The following NIBAN2 variants were observed in gnomAD, a reference collection of about 807,000 sequenced individuals.
The protein encoded by NIBAN2 is niban apoptosis regulator 2.
In NIBAN2, 36 loss-of-function variants were observed where a neutral mutation model predicts 81.8. The ratio of observed to expected loss-of-function variants is 0.44; its 90% CI spans 0.34 to 0.58. NIBAN2 has a LOEUF of 0.58. Ranked by LOEUF, NIBAN2 falls within the 20% of genes least tolerant of loss-of-function variation. The pLI, the probability that NIBAN2 is intolerant of heterozygous loss-of-function variation, is 0.02. For missense variants in NIBAN2, 897 were observed against 1,014.1 expected (o/e 0.88, Z 1.57); for synonymous variants, 445 against 441.6 (o/e 1.01, Z -0.10).
intron 1 of NIBAN2, among the ~76,000 whole-genome samples, chr9:127,540,407 G>T (rs1270644392): frequency 6.6e-6 from 1 of 152,164 alleles, no homozygotes; most frequent in Non-Finnish European, 1.5e-5. Flanking sequence ...CTAAAAAGGC[G>T]TATCCCGGAG....
At chr9:127,543,370 G>A (rs541440464) in intron 1 of NIBAN2, among the ~76,000 whole-genome samples, 1 of 152,312 alleles carries the variant, frequency 6.6e-6, no homozygotes, top group African/African-American at 2.4e-5. Context: ...GGAAGGTCCA[G>A]GGCCTTGTCC....
chr9:127,565,782 CAA>C (rs34713108), intron 1 of NIBAN2, among the ~76,000 whole-genome samples: 116 of 70,854 alleles, frequency 1.6e-3, no homozygotes, highest in African/African-American at 4.5e-3. Context: ...GACTCTGTCT[CAA>C]AAAAAAAAAA....
At chr9:127,576,607 G>A (rs1449828908) in intron 1 of NIBAN2, among the ~76,000 whole-genome samples, 1 of 151,416 alleles carries the variant, frequency 6.6e-6, no homozygotes, top group African/African-American at 2.4e-5. Flanking sequence ...GGCTTCATGA[G>A]GTATAAGTAA....
intron 8 of NIBAN2, 101 bp from the exon 9 acceptor site, chr9:127,510,434 C>G: frequency 5.5e-6 from 4 of 730,354 alleles, no homozygotes; most frequent in Non-Finnish European, 8.0e-6. Flanking sequence ...CTATTATTAT[C>G]ATTATTATTA....
At chr9:127,521,105 G>A (rs1006056635) in intron 5 of NIBAN2, among the ~76,000 whole-genome samples, 3 of 152,058 alleles carry the variant, frequency 2.0e-5, no homozygotes, top group Admixed American at 6.6e-5. Context: ...GTAGCTGCCC[G>A]GTCTGTGGTA....
chr9:127,509,827 T>A, intron 9 of NIBAN2: 1 of 87,940 alleles, frequency 1.1e-5, no homozygotes, highest in Admixed American at 1.4e-4. Flanking sequence ...CTCCTCTCCT[T>A]CCCTCCTTCC....
chr9:127,518,630 G>A (rs928384198), intron 5 of NIBAN2, among the ~76,000 whole-genome samples: 8 of 152,242 alleles, frequency 5.3e-5, no homozygotes, highest in Non-Finnish European at 1.0e-4. Flanking sequence ...AGGTTTCAGA[G>A]CCTGGTTCTA....
At chr9:127,572,110 A>G (rs1233110562), upstream of NIBAN2, among the ~76,000 whole-genome samples, 2 of 152,128 alleles carry the variant, frequency 1.3e-5, no homozygotes, top group African/African-American at 2.4e-5. Flanking sequence ...ACATGGACTC[A>G]GTGCAGCCTT....
rs1836638882 is a variant in NIBAN2 at position 127,507,797 on chromosome 9, C to G, written c.1654+70G>C. The G allele has an allele frequency of 7.1e-7, 1 of 1,409,004 alleles. No individual in the cohort carries two copies. Among genetic ancestry groups the G allele is most frequent in the Admixed American group, 1.7e-5 (1 of 59,394 alleles). 87.3% of individuals were successfully genotyped at this position (1,409,004 alleles called of 1,614,324 possible). ...TTTGAGCCTTAGCTGACCCCCTCAG[C>G]TGCCACCACTTCTCAGCTGCGCCCC... On this transcript the variant is annotated intron_variant, in intron 13 of 13. Transcript: ENST00000373312. The surrounding 1 kb of genome is among the most constrained non-coding windows in gnomAD (Gnocchi z 6.8).
chr9:127,542,035 C>A (rs1445462600), intron 1 of NIBAN2, among the ~76,000 whole-genome samples: 1 of 152,214 alleles, frequency 6.6e-6, no homozygotes, highest in Non-Finnish European at 1.5e-5. Context: ...GCCGCAGCCA[C>A]TGAAGTCCTG....
intron 3 of NIBAN2, among the ~76,000 whole-genome samples, chr9:127,526,400 A>AT: frequency 6.7e-6 from 1 of 148,614 alleles, no homozygotes; most frequent in African/African-American, 2.5e-5. Context: ...CTTCATCTCA[A>AT]AAAAAAAAAA....
At chr9:127,574,072 G>A (rs985726796), upstream of NIBAN2, among the ~76,000 whole-genome samples, 1 of 152,210 alleles carries the variant, frequency 6.6e-6, no homozygotes, top group African/African-American at 2.4e-5. Context: ...TCTGAAATCT[G>A]CAAGGCAGAG....
At chr9:127,573,086 G>T (rs940655868), upstream of NIBAN2, among the ~76,000 whole-genome samples, 1 of 152,136 alleles carries the variant, frequency 6.6e-6, no homozygotes, top group African/African-American at 2.4e-5. Context: ...ATATTCCATT[G>T]TATGTATACA....
rs1384643598 is a variant in NIBAN2 at position 127,545,390 on chromosome 9, C to G, written c.56-13612G>C. Reference sequence around the variant, plus strand: ...GACTGAGACTGCTCTCCGCTGTCTCCCCAGCACCCAGCTCCCGCCAGGCCC... The same window carrying G: ...GACTGAGACTGCTCTCCGCTGTCTCGCCAGCACCCAGCTCCCGCCAGGCCC... On this transcript the variant is annotated intron_variant, in intron 1 of 13. Coordinates refer to ENST00000373312, the MANE Select transcript of NIBAN2 (RefSeq NM_022833.4). The surrounding 1 kb of genome is among the most constrained non-coding windows in gnomAD (Gnocchi z 4.7). 2.6e-5 allele frequency among the ~76,000 whole-genome samples: 4 copies of G among 152,176 alleles called. No homozygotes were observed. The highest frequency in any genetic ancestry group is 2.9e-5 in the Non-Finnish European group (2 of 68,026).
intron 1 of NIBAN2, among the ~76,000 whole-genome samples, chr9:127,552,934 C>T (rs1207872993): frequency 2.6e-5 from 4 of 152,020 alleles, no homozygotes; most frequent in African/African-American, 9.7e-5. Flanking sequence ...TCAGGTGATC[C>T]GCCTGTCTCA....
At chr9:127,547,709 T>C (rs1404175510) in intron 1 of NIBAN2, among the ~76,000 whole-genome samples, 3 of 150,778 alleles carry the variant, frequency 2.0e-5, no homozygotes, top group Non-Finnish European at 4.4e-5. Flanking sequence ...TGGTGGCGCA[T>C]GCCTGTAATC....
chr9:127,573,291 G>A (rs188629553), upstream of NIBAN2, among the ~76,000 whole-genome samples: 10 of 152,068 alleles, frequency 6.6e-5, no homozygotes, highest in Non-Finnish European at 1.0e-4. Flanking sequence ...GGCAGCCTGA[G>A]CATCCAGAAC....
In NIBAN2 at chr9:127,516,543, C is replaced by T. The variant is rs141031647; in HGVS notation, c.973+314G>A. Among the ~76,000 whole-genome samples, 329 of 152,240 alleles carry T rather than the reference C, an allele frequency of 2.2e-3. 3 individuals are homozygous for T. The East Asian group carries it at 0.043, about 20-fold the overall frequency. On this transcript the variant is annotated intron_variant, in intron 8 of 13. Coordinates refer to ENST00000373312, the MANE Select transcript of NIBAN2 (RefSeq NM_022833.4). ...CAGCCTGGGTGACAGAATAAACTGA[C>T]CTGGGAAAGCTATACTTGCTGAACG...
At chr9:127,510,080 G>C (rs1228743088) in intron 9 of NIBAN2, 66 bp downstream of exon 9, 24 of 1,451,812 alleles carry the variant, frequency 1.7e-5, no homozygotes, top group Non-Finnish European at 2.2e-5. Flanking sequence ...CACGCAGCCG[G>C]GGCCCTCTGG....
Sources: gnomAD v4.1 joint callset for allele counts (sites outside exome capture counted in the v4.1 genomes callset) on GRCh38, gnomAD v4.1.1 for gene constraint, Gnocchi (gnomAD v3.1) non-coding constraint, MANE v1.5 for transcripts, NCBI Gene and HGNC (gene_info 2026-07-23, HGNC 2026-07-21) for gene names.